The following CDK16 variants were observed in gnomAD, a reference collection of about 807,000 sequenced individuals.
The protein encoded by CDK16 is cyclin-dependent kinase 16.
A neutral mutation model predicts 41.6 loss-of-function variants in CDK16; 2 were observed. The ratio of observed to expected loss-of-function variants is 0.05; its 90% CI spans 0.02 to 0.15. The LOEUF is 0.15. CDK16 is among the 10% of genes least tolerant of loss of function. The pLI is 1.00. For synonymous variants in CDK16, 169 were observed against 169.7 expected (o/e 1.00, Z 0.03); for missense variants, 228 against 428.9 (o/e 0.53, Z 4.14).
chrX:47,218,322 T>A (rs143860702), upstream of CDK16: 2,051 of 250,332 alleles, frequency 8.2e-3, 11 homozygotes, highest in Non-Finnish European at 0.011. Flanking sequence ...AAAAGTCATC[T>A]TCTCGCGAAC....
rs745562384 is a variant in CDK16, at chrX:47,226,982, C to G, written c.1136-12C>G. ...CTGTGAAATGTTTGGGATAACTCCT[C>G]TTCCCTACTAGGAACCCCAACTGAG... On this transcript the variant is annotated splice_polypyrimidine_tract_variant and intron_variant, in intron 11 of 15. Transcript: ENST00000357227. The G allele has an allele frequency of 5.0e-6, 6 of 1,209,579 alleles. No homozygotes were observed. Among genetic ancestry groups the G allele is most frequent in the Non-Finnish European group, 6.7e-6 (6 of 893,495 alleles).
chrX:47,218,643 C>T (rs782535191), upstream of CDK16: 56 of 1,165,063 alleles, frequency 4.8e-5, no homozygotes, highest in South Asian at 9.7e-4. Context: ...GCGGACGGGT[C>T]CTTTGGTACA....
chrX:47,221,135 A>G (rs145546830), intron 1 of CDK16, among the ~76,000 whole-genome samples: 2,893 of 111,049 alleles, frequency 0.026, 46 homozygotes, highest in Middle Eastern at 0.037. Flanking sequence ...AATGGGGATC[A>G]GGACATAGGG....
Position 47,228,552 on chromosome X carries a change from C to T in CDK16, c.1376-15C>T. 1 of 1,198,977 alleles carries T rather than the reference C, an allele frequency of 8.3e-7. No homozygotes were observed. Among genetic ancestry groups the T allele is most frequent in the African/African-American group, 1.7e-5 (1 of 57,500 alleles). ...CATGGGTCATCCCCCACTTCTATGT[C>T]TCCCCCATCTGTAGCTACTTCCATA... On this transcript the variant is annotated splice_polypyrimidine_tract_variant and intron_variant, in intron 14 of 15. Transcript: ENST00000357227.
chrX:47,221,428 T>G (rs970912501), intron 1 of CDK16, among the ~76,000 whole-genome samples: 4 of 111,985 alleles, frequency 3.6e-5, no homozygotes, highest in Middle Eastern at 4.6e-3. Flanking sequence ...GGGAGTGTTA[T>G]GTGATATACA....
chrX:47,222,659 G>A (rs1937381781), intron 1 of CDK16, among the ~76,000 whole-genome samples: 1 of 89,491 alleles, frequency 1.1e-5, no homozygotes, highest in Non-Finnish European at 2.2e-5. Context: ...GCGGGGGGGT[G>A]TGGGGGTGGG....
rs1229199814 is a variant in CDK16 at position 47,228,513 on chromosome X, G to A, written c.1376-54G>A. The A allele has an allele frequency of 7.6e-6, 8 of 1,050,653 alleles. No homozygotes were observed. The East Asian group carries it at 2.4e-4, about 32-fold the overall frequency. 86.6% of individuals were successfully genotyped at this position (1,050,653 alleles called of 1,213,427 possible). A position where few individuals can be genotyped will look rare whatever the true frequency, so the allele number is the denominator to read the frequency against. The stretch of plus-strand genomic sequence containing the variant: ...CTTCCCATGGGGTCATATGGGGCTG[G>A]TCCTAGATGACCTCATGGGTCATCC... On this transcript the variant is annotated intron_variant, in intron 14 of 15. Transcript: ENST00000357227.
intron 1 of CDK16, chrX:47,223,012 G>A: frequency 2.8e-6 from 3 of 1,084,281 alleles, no homozygotes; most frequent in East Asian, 6.9e-5. Context: ...TCATGACGAT[G>A]AGTGCTAGAG....
intron 1 of CDK16, chrX:47,223,316 G>A: frequency 8.7e-7 from 1 of 1,152,912 alleles, no homozygotes; most frequent in Non-Finnish European, 1.1e-6. Flanking sequence ...ACTCAGGTGG[G>A]CTACGTAGGA....
At position 47,226,018 on chromosome X, in the gene CDK16, C is replaced by G; in HGVS notation, c.783C>G (p.His261Gln). 8.3e-7 allele frequency: 1 copy of G among 1,199,318 alleles called. No individual in the cohort carries two copies. Residue 261 changes from histidine (H) to glutamine (Q), a missense_variant, in exon 8 of 16, where the codon CAC becomes CAG. His to Gln is a conservative substitution (Grantham distance 24). Coordinates refer to ENST00000357227, the MANE Select transcript of CDK16 (RefSeq NM_006201.5). ...ACTGTGGGAACATCATCAACATGCA[C>G]AACGTGAAAGTGGGTGTGGGGCAGG... ...LDDCGNIINMHNVKLFLFQLL... is the reference protein window; with the variant it reads ...LDDCGNIINMQNVKLFLFQLL...
At chrX:47,219,400 G>T (rs1170337307) in intron 1 of CDK16, among the ~76,000 whole-genome samples, 2 of 109,095 alleles carry the variant, frequency 1.8e-5, no homozygotes, top group African/African-American at 6.7e-5. Flanking sequence ...GGGGGTTGCT[G>T]ATGGGGGTCG....
chrX:47,224,390 G>A lies in CDK16; in HGVS notation c.208G>A (p.Val70Met). The change falls in exon 3 of 16, where the codon GTG (valine) becomes ATG (methionine). Residue 70 changes from valine to methionine, a missense_variant. By Grantham distance (21) the Val-to-Met change is conservative (BLOSUM62 1). Around this residue, in one of 3 missense-constraint regions of CDK16, gnomAD observed 71 missense variants for 102.2 expected, o/e 0.69. Coordinates refer to ENST00000357227, the MANE Select transcript of CDK16 (RefSeq NM_006201.5). Reference sequence around the variant, plus strand: ...ACCCCTCTCCCTGCCACCAGAGATTGTGCACGAGGACTTGAAGATGGGGTC... The same window carrying A: ...ACCCCTCTCCCTGCCACCAGAGATTATGCACGAGGACTTGAAGATGGGGTC... ...RGPLSSAPEI[V>M]HEDLKMGSDG... The A allele has an allele frequency of 7.6e-6, 9 of 1,189,287 alleles. No individual in the cohort carries two copies. The highest frequency in any genetic ancestry group is 9.1e-6 in the Non-Finnish European group (8 of 883,517).
In CDK16 at chrX:47,226,809, C is replaced by T; in HGVS notation, c.1038-3C>T. On this transcript the variant is annotated splice_region_variant and splice_polypyrimidine_tract_variant and intron_variant, in intron 10 of 15. Coordinates refer to ENST00000357227, the MANE Select transcript of CDK16 (RefSeq NM_006201.5). ...TTCTATTCACTGTGCCCTCCCTGCCCAGGGGTGTGGGCTGCATCTTCTATG... is the reference window on the plus strand; with the variant it reads ...TTCTATTCACTGTGCCCTCCCTGCCTAGGGGTGTGGGCTGCATCTTCTATG... 1 of 1,203,030 alleles carries T rather than the reference C, an allele frequency of 8.3e-7. No individual in the cohort carries two copies. The highest frequency in any genetic ancestry group is 1.1e-6 in the Non-Finnish European group (1 of 890,629).
At chrX:47,223,888 C>A (rs1290671469) in intron 2 of CDK16, 129 bp downstream of exon 2, 3 of 521,167 alleles carry the variant, frequency 5.8e-6, no homozygotes, top group Non-Finnish European at 9.6e-6. Context: ...CTCTCTTCTC[C>A]CCCTTCCCTC....
Position 47,219,007 on chromosome X carries a change from CAGG to C in CDK16, c.-99_-97del, listed in dbSNP as rs1377313773. 2.3e-5 allele frequency: 20 copies of C among 874,129 alleles called. No homozygotes were observed. The highest frequency in any genetic ancestry group is 6.6e-5 in the African/African-American group (3 of 45,277). The allele number at this position is 874,129 out of a possible 1,213,427, so 72.0% of individuals were successfully genotyped here. On this transcript the variant is annotated 5_prime_UTR_variant, in exon 1 of 16. Coordinates refer to ENST00000357227, the MANE Select transcript of CDK16 (RefSeq NM_006201.5). ...TACTGGGACGGGCGCCTGCGGCGAA[CAGG>C]AGGAGAAGGAGGTCGCGCGGCCTCA...
chrX:47,223,776 T>A lies in CDK16; in HGVS notation c.202+17T>A, dbSNP rs1313890130. On this transcript the variant is annotated intron_variant, in intron 2 of 15. Transcript: ENST00000357227. ...CTGCACCAGGTGGGTCCACTGGCTA[T>A]CCCCTCTCCCATATGGCCCCAGGCT... The A allele has an allele frequency of 1.3e-5, 15 of 1,178,967 alleles. No homozygotes were observed. Among genetic ancestry groups the A allele is most frequent in the African/African-American group, 1.8e-5 (1 of 56,388 alleles).
Position 47,225,127 on chromosome X carries a change from C to G in CDK16, c.634+25C>G, listed in dbSNP as rs1385756453. On this transcript the variant is annotated intron_variant, in intron 6 of 15. Transcript: ENST00000357227. ...GGTACACACCCCCATCCCATCTGCC[C>G]CAGGCTTCCCCAACCCACCCCTGGC... The G allele has an allele frequency of 3.8e-6, 4 of 1,059,132 alleles. No individual in the cohort carries two copies. The South Asian group carries it at 7.9e-5, about 21-fold the overall frequency. 87.3% of individuals were successfully genotyped at this position (1,059,132 alleles called of 1,213,427 possible). A position where few individuals can be genotyped will look rare whatever the true frequency, so the allele number is the denominator to read the frequency against.
chrX:47,218,990 C>T lies in CDK16; in HGVS notation c.-122C>T. 8 of 897,249 alleles carry T rather than the reference C, an allele frequency of 8.9e-6. No individual in the cohort carries two copies. The highest frequency in any genetic ancestry group is 8.0e-5 in the East Asian group (1 of 12,475). 73.9% of individuals were successfully genotyped at this position (897,249 alleles called of 1,213,427 possible). On this transcript the variant is annotated 5_prime_UTR_variant, in exon 1 of 16. In the 5' UTR this introduces an upstream ATG that the reference lacks. Transcript: ENST00000357227. ...CAACCATGGCTGAAGACTACTGGGACGGGCGCCTGCGGCGAACAGGAGGAG... is the reference window on the plus strand; with the variant it reads ...CAACCATGGCTGAAGACTACTGGGATGGGCGCCTGCGGCGAACAGGAGGAG...
chrX:47,227,572 C>T (rs920562600), intron 14 of CDK16, 103 bp downstream of exon 14: 12 of 529,119 alleles, frequency 2.3e-5, no homozygotes, highest in East Asian at 1.1e-4. Context: ...GCCACCTCTA[C>T]GTGGGGGGAC....
Sources: allele counts gnomAD v4.1 joint callset (sites outside exome capture counted in the v4.1 genomes callset), GRCh38; gene constraint gnomAD v4.1.1; regional missense constraint gnomAD v4.1.1; transcripts MANE v1.5; gene names NCBI Gene and HGNC (gene_info 2026-07-23, HGNC 2026-07-21).